The following VPS8 variants were observed in gnomAD, a reference collection of about 807,000 sequenced individuals.
VPS8 encodes VPS8 subunit of CORVET complex.
A neutral mutation model predicts 216.4 loss-of-function variants in VPS8; 129 were observed. The ratio of observed to expected loss-of-function variants is 0.60; its 90% confidence interval spans 0.52 to 0.69. The LOEUF (loss-of-function observed/expected upper bound fraction) is 0.69. Among genes scored for constraint, VPS8 ranks in the 30% least tolerant of loss-of-function variants. The probability of loss-of-function intolerance (pLI) is 0.00; values close to 1 mark genes in which losing one functional copy is unlikely to be tolerated. For missense variants in VPS8, 1,531 were observed against 1,683.5 expected, an observed-to-expected ratio of 0.91 and a Z score of 1.59; for synonymous variants, 571 against 565.4, an observed-to-expected ratio of 1.01 and a Z score of -0.14.
chr3:184,894,507 C>CACGT (rs201827320), intron 22 of VPS8, among the ~76,000 whole-genome samples, 196 bp from the exon 23 acceptor site: 1 of 91,918 alleles, frequency 1.1e-5, no homozygotes, highest in Non-Finnish European at 2.6e-5. Flanking sequence ...TATATACACA[C>CACGT]GTATATATAT....
chr3:184,873,566 A>C (rs1728730807), intron 21 of VPS8, among the ~76,000 whole-genome samples: 1 of 152,144 alleles, frequency 6.6e-6, no homozygotes. Flanking sequence ...CCAGGTCACA[A>C]AGCTAATAAA....
At chr3:184,904,024 T>C (rs774204731) in intron 25 of VPS8, among the ~76,000 whole-genome samples, 1 of 152,198 alleles carries the variant, frequency 6.6e-6, no homozygotes, top group Non-Finnish European at 1.5e-5. Context: ...TGAAATTGTT[T>C]CCTTAATTTT....
At chr3:184,831,252 A>C (rs1719919456) in intron 3 of VPS8, among the ~76,000 whole-genome samples, 1 of 152,188 alleles carries the variant, frequency 6.6e-6, no homozygotes. Context: ...GCTTGAGGCC[A>C]GGAATTTGAG....
intron 29 of VPS8, among the ~76,000 whole-genome samples, chr3:184,921,347 C>T (rs1030895514): frequency 2.0e-5 from 3 of 152,126 alleles, no homozygotes; most frequent in Non-Finnish European, 2.9e-5. Context: ...TCTTTCCATC[C>T]AAAATGGCTG....
intron 21 of VPS8, among the ~76,000 whole-genome samples, chr3:184,879,121 TCTTCA>T (rs1413749485): frequency 6.6e-6 from 1 of 152,226 alleles, no homozygotes; most frequent in African/African-American, 2.4e-5. Context: ...AGAGATTATG[TCTTCA>T]CTTCACAGAT....
chr3:184,837,600 T>A lies in VPS8; in HGVS notation c.448-1114T>A, dbSNP rs117438374. On this transcript the variant is annotated intron_variant, in intron 5 of 47. Transcript: ENST00000625842. ...ATCCAGAGCATTGTGTGTAGCAGCC[T>A]TGCTCATTGCTTTTTTCTCCTGTTT... 6.4e-3 allele frequency among the ~76,000 whole-genome samples: 981 copies of A among 152,354 alleles called. 14 individuals carry two copies. The highest frequency in any genetic ancestry group is 0.042 in the East Asian group (217 of 5,184).
At chr3:185,009,425 T>C (rs999554418) in intron 45 of VPS8, among the ~76,000 whole-genome samples, 2 of 152,192 alleles carry the variant, frequency 1.3e-5, no homozygotes, top group Non-Finnish European at 2.9e-5. Context: ...TGCATTTACA[T>C]TGATAAGGAT....
At chr3:184,863,356 G>T (rs1353708747) in intron 16 of VPS8, among the ~76,000 whole-genome samples, 1 of 152,130 alleles carries the variant, frequency 6.6e-6, no homozygotes, top group African/African-American at 2.4e-5. Context: ...TGGAAAATTT[G>T]TGAGAAAAAT....
intron 1 of VPS8, among the ~76,000 whole-genome samples, chr3:184,823,711 G>A (rs996405023): frequency 1.3e-5 from 2 of 152,162 alleles, no homozygotes; most frequent in Non-Finnish European, 2.9e-5. Context: ...GAAACACAAA[G>A]TAAAATCATT....
chr3:184,844,173 G>A (rs537514166), intron 8 of VPS8, among the ~76,000 whole-genome samples: 6 of 152,188 alleles, frequency 3.9e-5, no homozygotes, highest in African/African-American at 1.4e-4. Context: ...TGTAATCCCA[G>A]CACTTTAGGT....
chr3:185,017,760 C>T lies in VPS8; in HGVS notation c.4003-6576C>T, dbSNP rs376112460. 3.8e-3 allele frequency among the ~76,000 whole-genome samples: 576 copies of T among 152,212 alleles called. 3 individuals are homozygous for T. The highest frequency in any genetic ancestry group is 0.013 in the African/African-American group (546 of 41,510). On this transcript the variant is annotated intron_variant, in intron 45 of 47. Coordinates refer to ENST00000625842, the MANE Select transcript of VPS8 (RefSeq NM_001009921.3). The stretch of plus-strand genomic sequence containing the variant: ...TCTACTGTGGCACTACCGGCTGTGG[C>T]GGGGGACAGACATTGTACGGGGGTG...
intron 21 of VPS8, among the ~76,000 whole-genome samples, chr3:184,871,984 C>CT (rs1213960974): frequency 4.0e-5 from 6 of 151,772 alleles, no homozygotes; most frequent in African/African-American, 1.5e-4. Flanking sequence ...TGGCTGGATG[C>CT]TTATTAAATT....
intron 17 of VPS8, among the ~76,000 whole-genome samples, chr3:184,867,768 C>T (rs1420208527): frequency 6.6e-6 from 1 of 152,182 alleles, no homozygotes; most frequent in Non-Finnish European, 1.5e-5. Flanking sequence ...ATCATTTGAA[C>T]CCCGGAGGTG....
In VPS8 at chr3:185,004,455, CAGAGGGAGACCGTGGAAAGAGAGGG is replaced by C. The variant is rs1386289486; in HGVS notation, c.4002+4610_4002+4634del. Among the ~76,000 whole-genome samples, 1,355 of 152,198 alleles carry C rather than the reference CAGAGGGAGACCGTGGAAAGAGAGGG, an allele frequency of 8.9e-3. 19 individuals are homozygous for C. Among genetic ancestry groups the C allele is most frequent in the African/African-American group, 0.025 (1,053 of 41,502 alleles). Reference sequence around the variant, plus strand: ...GCACAGTCCAGCCTCGGCTCGGCCTCAGAGGGAGACCGTGGAAAGAGAGGGAGAGGGAGACCGTGGGGAGAGGGAG... The same window carrying C: ...GCACAGTCCAGCCTCGGCTCGGCCTCAGAGGGAGACCGTGGGGAGAGGGAG... On this transcript the variant is annotated intron_variant, in intron 45 of 47. Coordinates refer to ENST00000625842, the MANE Select transcript of VPS8 (RefSeq NM_001009921.3).
intron 22 of VPS8, among the ~76,000 whole-genome samples, chr3:184,889,526 C>G (rs1731943192): frequency 6.6e-6 from 1 of 152,106 alleles, no homozygotes. Flanking sequence ...CCCTTTCTCT[C>G]AATTCTGTTT....
chr3:184,934,737 A>G (rs959202065), intron 34 of VPS8, among the ~76,000 whole-genome samples: 17 of 152,218 alleles, frequency 1.1e-4, no homozygotes, highest in African/African-American at 3.4e-4. Flanking sequence ...ATCCTGATAT[A>G]TTATTTTTAT....
intron 2 of VPS8, 133 bp from the exon 3 acceptor site, chr3:184,826,030 G>A (rs2108513198): frequency 3.2e-6 from 2 of 633,554 alleles, no homozygotes; most frequent in Non-Finnish European, 5.4e-6. Flanking sequence ...GATTATTACT[G>A]TGGATTTTTG....
Position 184,964,541 on chromosome 3 carries a change from T to C in VPS8, c.3257T>C (p.Phe1086Ser), listed in dbSNP as rs1577002372. 6 of 1,516,566 alleles carry C rather than the reference T, an allele frequency of 4.0e-6. No individual in the cohort carries two copies. In the Admixed American group the frequency reaches 6.1e-5, roughly 16 times the overall value. The allele number at this position is 1,516,566 out of a possible 1,614,324, so 93.9% of individuals were successfully genotyped here. A position where few individuals can be genotyped will look rare whatever the true frequency, so the allele number is the denominator to read the frequency against. Reference protein sequence around the residue: ...LEKKGDIHGAFLIMLERLQSK... With the variant: ...LEKKGDIHGASLIMLERLQSK... ...AAGAAAGGAGATATTCATGGTGCCT[T>C]CCTAATAATGTTAGAGGTAACACTT... Residue 1086 changes from phenylalanine to serine, a missense_variant, in exon 38 of 48, where the codon TTC becomes TCC. Around this residue, in one of 3 missense-constraint regions of VPS8, gnomAD observed 1,318 missense variants for 1,468.4 expected, o/e 0.90. Transcript: ENST00000625842.
chr3:184,967,769 G>A (rs771056113), intron 39 of VPS8, among the ~76,000 whole-genome samples: 5 of 151,628 alleles, frequency 3.3e-5, no homozygotes, highest in Admixed American at 1.3e-4. Flanking sequence ...CCTGGGAGGC[G>A]GAGGTTGCAA....
Sources: gnomAD v4.1 joint callset for allele counts (sites outside exome capture counted in the v4.1 genomes callset) on GRCh38, gnomAD v4.1.1 for gene constraint, gnomAD v4.1.1 regional missense constraint, MANE v1.5 for transcripts, NCBI Gene and HGNC (gene_info 2026-07-23, HGNC 2026-07-21) for gene names.